RPS27L: variants seen among roughly 807,000 people sequenced by gnomAD.
The protein encoded by RPS27L is ribosomal protein S27 like, also known as ribosomal protein eS27-like.
RPS27L carries 10 observed loss-of-function variants against 12.8 expected under a neutral mutation model. The ratio of observed to expected loss-of-function variants is 0.78; its 90% confidence interval spans 0.48 to 1.33. The LOEUF (loss-of-function observed/expected upper bound fraction) is 1.33. Ranked by LOEUF, RPS27L falls within the 40% of genes most tolerant of loss-of-function variation. The pLI is 0.00. For synonymous variants in RPS27L, 26 were observed against 32.3 expected (o/e 0.81, Z 0.66); for missense variants, 81 against 97.4 (o/e 0.83, Z 0.71).
rs1353814151 is a variant in RPS27L at position 63,148,640 on chromosome 15, A to G, written c.*5392T>C. ...TTTAAAATGAAAGCTTATTAACTAAATTAGGACTATTCTGCCTAAATTCTT... is the reference window on the plus strand; with the variant it reads ...TTTAAAATGAAAGCTTATTAACTAAGTTAGGACTATTCTGCCTAAATTCTT... On this transcript the variant is annotated 3_prime_UTR_variant, in exon 4 of 4. Transcript: ENST00000330964. 6.6e-6 allele frequency: 1 copy of G among 152,150 alleles called. No individual in the cohort carries two copies. Among genetic ancestry groups the G allele is most frequent in the African/African-American group, 2.4e-5 (1 of 41,436 alleles). 9.4% of individuals were successfully genotyped at this position (152,150 alleles called of 1,614,324 possible). A position where few individuals can be genotyped will look rare whatever the true frequency, so the allele number is the denominator to read the frequency against.
At position 63,150,025 on chromosome 15, in the gene RPS27L, T is replaced by G. The variant is rs1282375104; in HGVS notation, c.*4007A>C. 6.6e-6 allele frequency: 1 copy of G among 152,200 alleles called. No individual in the cohort carries two copies. The highest frequency in any genetic ancestry group is 1.5e-5 in the Non-Finnish European group (1 of 68,102). 9.4% of individuals were successfully genotyped at this position (152,200 alleles called of 1,614,324 possible). A position where few individuals can be genotyped will look rare whatever the true frequency, so the allele number is the denominator to read the frequency against. The stretch of plus-strand genomic sequence containing the variant: ...GGAGGTGGAGGAGGTTGCAGTGAGC[T>G]GAGATCACGCCACTGCACTCCACCT... On this transcript the variant is annotated 3_prime_UTR_variant, in exon 4 of 4. Coordinates refer to ENST00000330964, the MANE Select transcript of RPS27L (RefSeq NM_015920.4).
In RPS27L at chr15:63,155,579, C is replaced by A. The variant is rs201398927; in HGVS notation, c.226+42G>T. ...CAGTGAAGATAGAGACATTTATAAT[C>A]ATCAATCTCATCACTGGGTTGGAGA... is the stretch of plus-strand genomic sequence containing the variant. On this transcript the variant is annotated intron_variant, in intron 3 of 3. Coordinates refer to ENST00000330964, the MANE Select transcript of RPS27L (RefSeq NM_015920.4). 68 of 1,217,792 alleles carry A rather than the reference C, an allele frequency of 5.6e-5. 2 individuals carry two copies. The East Asian group carries it at 1.6e-3, about 29-fold the overall frequency. The allele number at this position is 1,217,792 out of a possible 1,614,324, so 75.4% of individuals were successfully genotyped here.
chr15:63,154,031 A>G lies in RPS27L; in HGVS notation c.*1T>C, dbSNP rs2037317100. 6.2e-7 allele frequency: 1 copy of G among 1,606,402 alleles called. No individual in the cohort carries two copies. Among genetic ancestry groups the G allele is most frequent in the Non-Finnish European group, 8.5e-7 (1 of 1,173,624 alleles). ...TAAAATTCAGGAAGCTGTTTGAATC[A>G]TTAGTGTTGCTTTCTTCTAAATGAA... On this transcript the variant is annotated 3_prime_UTR_variant, in exon 4 of 4. Coordinates refer to ENST00000330964, the MANE Select transcript of RPS27L (RefSeq NM_015920.4).
At chr15:63,154,655 C>T (rs1308078947) in intron 3 of RPS27L, 1 of 152,216 alleles carries the variant, frequency 6.6e-6, no homozygotes, top group African/African-American at 2.4e-5. Context: ...TGCCAATCCA[C>T]TTGAACTCTT....
intron 3 of RPS27L, 42 bp from the exon 4 acceptor site, chr15:63,154,102 AC>A: frequency 3.3e-6 from 5 of 1,521,388 alleles, no homozygotes; most frequent in Non-Finnish European, 4.5e-6. Context: ...AGTGCATTCT[AC>A]CTTTGCTATA....
rs2270948 is a variant in RPS27L at position 63,156,581 on chromosome 15, C to T, written c.7-60G>A. 1.9e-5 allele frequency: 20 copies of T among 1,028,160 alleles called. 1 individual carries two copies. In the South Asian group the frequency reaches 2.7e-4, roughly 14 times the overall value. The allele number at this position is 1,028,160 out of a possible 1,614,324, so 63.7% of individuals were successfully genotyped here. ...AAACCACAACGCTGGCACATTTAAC[C>T]ATACGTGAAATATACATGCAAAAAC... On this transcript the variant is annotated intron_variant, in intron 1 of 3. Coordinates refer to ENST00000330964, the MANE Select transcript of RPS27L (RefSeq NM_015920.4).
intron 1 of RPS27L, chr15:63,157,103 A>C (rs1027530846): frequency 2.1e-6 from 1 of 472,592 alleles, no homozygotes; most frequent in Admixed American, 4.0e-5. Flanking sequence ...AAAAGACCCA[A>C]AGATCACAAC....
intron 1 of RPS27L, 114 bp from the exon 2 acceptor site, chr15:63,156,635 A>G (rs1314247793): frequency 5.7e-6 from 4 of 707,792 alleles, no homozygotes; most frequent in Non-Finnish European, 1.0e-5. Flanking sequence ...CGGCAGAAGC[A>G]ACACGTCAGA....
Position 63,153,152 on chromosome 15 carries a change from C to T in RPS27L, c.*880G>A, listed in dbSNP as rs555291397. On this transcript the variant is annotated 3_prime_UTR_variant, in exon 4 of 4. Transcript: ENST00000330964. ...CACCTATCTGGGCCAGAGAATTCAA[C>T]ACCATCTACTATCCCCAACCAGGAC... The T allele has an allele frequency of 9.8e-5, 15 of 152,298 alleles. No individual in the cohort carries two copies. The highest frequency in any genetic ancestry group is 3.4e-3 in the Middle Eastern group (1 of 292). The allele number at this position is 152,298 out of a possible 1,614,324, so 9.4% of individuals were successfully genotyped here.
rs1236725808 is a variant in RPS27L at position 63,149,329 on chromosome 15, C to G, written c.*4703G>C. 1.3e-5 allele frequency: 2 copies of G among 151,666 alleles called. No individual in the cohort carries two copies. Among genetic ancestry groups the G allele is most frequent in the Non-Finnish European group, 2.9e-5 (2 of 67,992 alleles). 9.4% of individuals were successfully genotyped at this position (151,666 alleles called of 1,614,324 possible). A position where few individuals can be genotyped will look rare whatever the true frequency, so the allele number is the denominator to read the frequency against. On this transcript the variant is annotated 3_prime_UTR_variant, in exon 4 of 4. Coordinates refer to ENST00000330964, the MANE Select transcript of RPS27L (RefSeq NM_015920.4). ...GGAAAATTACGAAGACATGAGAGGC[C>G]GAGGCAGGCGGATCACGAGGTCAGC...
intron 1 of RPS27L, 113 bp downstream of exon 1, chr15:63,157,287 G>T: frequency 8.3e-7 from 1 of 1,202,236 alleles, no homozygotes; most frequent in Non-Finnish European, 1.2e-6. Context: ...AACCTGAGCC[G>T]CCTCGCCACT....
chr15:63,149,772 C>G lies in RPS27L; in HGVS notation c.*4260G>C, dbSNP rs923641152. 6.6e-6 allele frequency: 1 copy of G among 152,182 alleles called. No individual in the cohort carries two copies. The highest frequency in any genetic ancestry group is 2.4e-5 in the African/African-American group (1 of 41,524). The allele number at this position is 152,182 out of a possible 1,614,324, so 9.4% of individuals were successfully genotyped here. On this transcript the variant is annotated 3_prime_UTR_variant, in exon 4 of 4. Coordinates refer to ENST00000330964, the MANE Select transcript of RPS27L (RefSeq NM_015920.4). Reference sequence around the variant, plus strand: ...ATAGCAAAATGGATTTTGCAGATGTCATTAAGAATACTTTATTTGGCCGGA... The same window carrying G: ...ATAGCAAAATGGATTTTGCAGATGTGATTAAGAATACTTTATTTGGCCGGA...
At position 63,153,727 on chromosome 15, in the gene RPS27L, A is replaced by AG. The variant is rs1269573467; in HGVS notation, c.*304_*305insC. 2 of 44,646 alleles carry AG rather than the reference A, an allele frequency of 4.5e-5. No individual in the cohort carries two copies. The highest frequency in any genetic ancestry group is 1.4e-4 in the African/African-American group (2 of 14,102). 2.8% of individuals were successfully genotyped at this position (44,646 alleles called of 1,614,324 possible). ...GTGACAGAGCAGGACTCTCTCTCTC[A>AG]AAAAAAAAAAAAAAGACACAAACTA... On this transcript the variant is annotated 3_prime_UTR_variant, in exon 4 of 4. Transcript: ENST00000330964.
At chr15:63,156,601 A>G (rs1161575645) in intron 1 of RPS27L, 80 bp from the exon 2 acceptor site, 1 of 852,262 alleles carries the variant, frequency 1.2e-6, no homozygotes, top group South Asian at 1.5e-5. Flanking sequence ...ATATACATGC[A>G]AAAACAGGAA....
chr15:63,155,350 C>T, intron 3 of RPS27L: 1 of 390,016 alleles, frequency 2.6e-6, no homozygotes, highest in Non-Finnish European at 4.5e-6. Flanking sequence ...TGTAGTTATT[C>T]TTTTGCTTCT....
At chr15:63,155,568 A>G (rs2037326612) in intron 3 of RPS27L, 53 bp downstream of exon 3, 2 of 1,109,392 alleles carry the variant, frequency 1.8e-6, no homozygotes, top group Non-Finnish European at 2.6e-6. Context: ...GAAGATAGAG[A>G]CATTTATAAT....
Position 63,150,491 on chromosome 15 carries a change from G to A in RPS27L, c.*3541C>T, listed in dbSNP as rs1489923789. On this transcript the variant is annotated 3_prime_UTR_variant, in exon 4 of 4. Transcript: ENST00000330964. ...AACTACTGACTTTTACATCACAGAA[G>A]TTTGGATTTTATAGTATCTGAATCA... is the stretch of plus-strand genomic sequence containing the variant. 1 of 152,208 alleles carries A rather than the reference G, an allele frequency of 6.6e-6. No homozygotes were observed. Among genetic ancestry groups the A allele is most frequent in the Non-Finnish European group, 1.5e-5 (1 of 68,040 alleles). The allele number at this position is 152,208 out of a possible 1,614,324, so 9.4% of individuals were successfully genotyped here. A position where few individuals can be genotyped will look rare whatever the true frequency, so the allele number is the denominator to read the frequency against.
chr15:63,156,655 T>C, intron 1 of RPS27L, 134 bp from the exon 2 acceptor site: 1 of 680,592 alleles, frequency 1.5e-6, no homozygotes, highest in Non-Finnish European at 2.6e-6. Flanking sequence ...ATAGTAAAGT[T>C]ATTTTTCGAA....
intron 3 of RPS27L, 184 bp downstream of exon 3, chr15:63,155,437 G>T: frequency 2.3e-6 from 1 of 426,792 alleles, no homozygotes; most frequent in Non-Finnish European, 4.2e-6. Flanking sequence ...TAAGTCAATG[G>T]AGTTCACTGC....
Sources: gnomAD v4.1 joint callset for allele counts on GRCh38, gnomAD v4.1.1 for gene constraint, MANE v1.5 for transcripts, NCBI Gene and HGNC (gene_info 2026-07-23, HGNC 2026-07-21) for gene names.